The following MYO10 variants were observed in gnomAD, a reference collection of about 807,000 sequenced individuals.
The protein encoded by MYO10 is myosin X.
Under a neutral mutation model 257.3 loss-of-function variants are expected in MYO10, and 133 were observed. The ratio of observed to expected loss-of-function variants is 0.52; its 90% CI spans 0.45 to 0.60. The LOEUF (loss-of-function observed/expected upper bound fraction) is 0.60, where lower values mean the gene tolerates loss of function less well. Ranked by LOEUF, MYO10 falls within the 20% of genes least tolerant of loss-of-function variation. The probability of loss-of-function intolerance (pLI) is 0.00; values close to 1 mark genes in which losing one functional copy is unlikely to be tolerated. For missense variants in MYO10, 2,399 were observed against 2,635.7 expected (o/e 0.91, Z 1.97); for synonymous variants, 1,104 against 1,028.6 (o/e 1.07, Z -1.40).
At chr5:16,703,185 C>T (rs1270001540) in intron 22 of MYO10, 27 bp from the exon 23 acceptor site, 26 of 1,541,088 alleles carry the variant, frequency 1.7e-5, no homozygotes, top group East Asian at 6.9e-5. Flanking sequence ...ACAAGAGAAT[C>T]GGCATTGAAG....
intron 9 of MYO10, among the ~76,000 whole-genome samples, chr5:16,771,396 T>C (rs550985573): frequency 1.8e-4 from 27 of 151,826 alleles, no homozygotes; most frequent in Admixed American, 1.4e-3. Context: ...TTGTCCTAGG[T>C]ATATAATATG....
chr5:16,908,174 T>G (rs1011645850), intron 1 of MYO10, among the ~76,000 whole-genome samples: 1 of 151,692 alleles, frequency 6.6e-6, no homozygotes, highest in Non-Finnish European at 1.5e-5. Context: ...AAGGTTGCAG[T>G]GAGCCAAGAT....
chr5:16,830,214 C>T (rs1210836402), intron 2 of MYO10, among the ~76,000 whole-genome samples: 2 of 151,216 alleles, frequency 1.3e-5, no homozygotes, highest in South Asian at 2.1e-4. Context: ...CCAGCCTGGG[C>T]GACAGAGGGA....
intron 21 of MYO10, among the ~76,000 whole-genome samples, chr5:16,706,676 T>C (rs1224261604): frequency 2.0e-5 from 3 of 152,180 alleles, no homozygotes; most frequent in South Asian, 2.1e-4. Flanking sequence ...TTCTCCACCA[T>C]TGGAAGTCAA....
intron 2 of MYO10, among the ~76,000 whole-genome samples, chr5:16,840,720 TGCACAACAAAAATA>T (rs1743453363): frequency 6.6e-6 from 1 of 151,400 alleles, no homozygotes; most frequent in Non-Finnish European, 1.5e-5. Flanking sequence ...TTGTGCAATA[TGCACAACAAAAATA>T]TGCAAGCCCA....
chr5:16,760,982 A>ATTAT (rs1553993464), intron 17 of MYO10, among the ~76,000 whole-genome samples: 1 of 138,106 alleles, frequency 7.2e-6, no homozygotes, highest in East Asian at 2.2e-4. Context: ...TATTATTATT[A>ATTAT]ATTTATTTAT....
At chr5:16,910,621 A>G (rs868626986) in intron 1 of MYO10, among the ~76,000 whole-genome samples, 9 of 152,350 alleles carry the variant, frequency 5.9e-5, no homozygotes, top group Non-Finnish European at 7.3e-5. Context: ...TTCAGTGCTC[A>G]CTAGGCATCC....
intron 33 of MYO10, among the ~76,000 whole-genome samples, chr5:16,679,731 G>T (rs1736899409): frequency 1.3e-5 from 2 of 151,964 alleles, no homozygotes; most frequent in African/African-American, 2.4e-5. Flanking sequence ...CATCATGTTG[G>T]CCAGGTTGGT....
intron 2 of MYO10, among the ~76,000 whole-genome samples, chr5:16,874,376 T>C (rs1336903213): frequency 8.8e-6 from 1 of 113,314 alleles, no homozygotes; most frequent in East Asian, 3.2e-4. Flanking sequence ...TTCTATCACA[T>C]AGTCAGGCTG....
chr5:16,689,221 T>G (rs996206378), intron 28 of MYO10, among the ~76,000 whole-genome samples: 1 of 152,234 alleles, frequency 6.6e-6, no homozygotes, highest in Non-Finnish European at 1.5e-5. Context: ...AAAGAGTTAA[T>G]ATTTATGAAG....
rs1736019464 is a variant in MYO10 at position 16,662,491 on chromosome 5, T to C, written c.*4201A>G. The stretch of plus-strand genomic sequence containing the variant: ...GATGCGCACCACCACACCTGGCTAA[T>C]GTTAATTTTCTGTGGAGACAGGGTC... On this transcript the variant is annotated 3_prime_UTR_variant, in exon 41 of 41. Transcript: ENST00000513610. The C allele has an allele frequency of 6.6e-6, 1 of 151,738 alleles. No individual in the cohort carries two copies. Among genetic ancestry groups the C allele is most frequent in the African/African-American group, 2.4e-5 (1 of 41,272 alleles). 9.4% of individuals were successfully genotyped at this position (151,738 alleles called of 1,614,324 possible).
At chr5:16,778,544 C>T (rs1420241695) in intron 9 of MYO10, among the ~76,000 whole-genome samples, 1 of 152,064 alleles carries the variant, frequency 6.6e-6, no homozygotes, top group Non-Finnish European at 1.5e-5. Context: ...TGGAGCCTGA[C>T]GTACGCACTG....
At chr5:16,678,440 C>T (rs1361699546) in intron 33 of MYO10, among the ~76,000 whole-genome samples, 2 of 152,016 alleles carry the variant, frequency 1.3e-5, no homozygotes, top group Admixed American at 6.6e-5. Flanking sequence ...ATTAGCTGGG[C>T]GTGGTGGTGG....
intron 1 of MYO10, among the ~76,000 whole-genome samples, chr5:16,922,143 G>A (rs760500576): frequency 6.6e-6 from 1 of 151,916 alleles, no homozygotes. Flanking sequence ...GAACCCGGGA[G>A]GCAGAGGCTG....
chr5:16,693,880 G>T (rs959052061), intron 27 of MYO10, among the ~76,000 whole-genome samples: 7 of 152,232 alleles, frequency 4.6e-5, no homozygotes, highest in Non-Finnish European at 1.5e-5. Flanking sequence ...GACCAGCCCT[G>T]TTCCTCTCAC....
chr5:16,823,792 G>A (rs1017105038), intron 2 of MYO10, among the ~76,000 whole-genome samples: 4 of 150,806 alleles, frequency 2.7e-5, no homozygotes, highest in South Asian at 2.1e-4. Context: ...GGCGGGGGGC[G>A]GTTATTTTTA....
Position 16,699,877 on chromosome 5 carries a change from C to T in MYO10, c.3433-304G>A, listed in dbSNP as rs191281596. On this transcript the variant is annotated intron_variant, in intron 25 of 40. Transcript: ENST00000513610. ...GATTTACGGTAGCACACAAATAATT[C>T]GGAATTAAAAATACCAACTTTTAAG... Among the ~76,000 whole-genome samples the T allele has an allele frequency of 1.3e-4, 20 of 151,046 alleles. No homozygotes were observed. In the East Asian group the frequency reaches 3.1e-3, roughly 23 times the overall value.
Position 16,762,082 on chromosome 5 carries a change from G to C in MYO10, c.1619C>G (p.Ala540Gly), listed in dbSNP as rs1461379529. Residue 540 changes from alanine (A) to glycine (G), a missense_variant, in exon 16 of 41, where the codon GCA becomes GGA. Ala to Gly is a moderately conservative substitution (Grantham distance 60). Around this residue, in one of 3 missense-constraint regions of MYO10, gnomAD observed 337 missense variants for 446.8 expected, o/e 0.75. Coordinates refer to ENST00000513610, the MANE Select transcript of MYO10 (RefSeq NM_012334.3). ...NNHFYVKPRV[A>G]VNNFGVKHYA... ...GTGCTTCACTCCAAAATTGTTAACT[G>C]CAACTCTGGGCTTCACATAAAAGTG... 7.3e-7 allele frequency: 1 copy of C among 1,366,392 alleles called. No individual in the cohort carries two copies. Among genetic ancestry groups the C allele is most frequent in the Admixed American group, 2.7e-5 (1 of 37,658 alleles). 84.6% of individuals were successfully genotyped at this position (1,366,392 alleles called of 1,614,324 possible).
intron 4 of MYO10, among the ~76,000 whole-genome samples, chr5:16,789,845 T>C (rs746063537): frequency 3.3e-5 from 5 of 152,176 alleles, no homozygotes; most frequent in Non-Finnish European, 7.3e-5. Context: ...TCAAATCCTA[T>C]GTTTGTTGCC....
Sources: allele counts gnomAD v4.1 joint callset (sites outside exome capture counted in the v4.1 genomes callset), GRCh38; gene constraint gnomAD v4.1.1; regional missense constraint gnomAD v4.1.1; transcripts MANE v1.5; gene names NCBI Gene and HGNC (gene_info 2026-07-23, HGNC 2026-07-21).